Variants in FAM81B observed in about 807,000 individuals in gnomAD.
FAM81B encodes the protein protein FAM81B.
A neutral mutation model predicts 58.7 loss-of-function variants in FAM81B; 60 were observed. That is an observed-to-expected ratio of 1.02 (90% CI 0.83 to 1.27). The LOEUF (loss-of-function observed/expected upper bound fraction) is 1.27, where lower values mean the gene tolerates loss of function less well. Ranked by LOEUF, FAM81B falls within the 50% of genes most tolerant of loss-of-function variation. The probability of loss-of-function intolerance (pLI) is 0.00; values close to 1 mark genes in which losing one functional copy is unlikely to be tolerated. For synonymous variants in FAM81B, 189 were observed against 179.6 expected, an observed-to-expected ratio of 1.05 and a Z score of -0.42; for missense variants, 491 against 522.0, an observed-to-expected ratio of 0.94 and a Z score of 0.58.
intron 5 of FAM81B, among the ~76,000 whole-genome samples, 194 bp from the exon 6 acceptor site, chr5:95,428,409 A>G (rs1181046420): frequency 6.6e-6 from 1 of 152,226 alleles, no homozygotes; most frequent in Non-Finnish European, 1.5e-5. Flanking sequence ...CAATGCATTC[A>G]ACCTGGTTTC....
intron 4 of FAM81B, among the ~76,000 whole-genome samples, chr5:95,418,702 C>G (rs903329286): frequency 6.6e-6 from 1 of 152,074 alleles, no homozygotes; most frequent in Non-Finnish European, 1.5e-5. Flanking sequence ...TAGAACGTAT[C>G]CCCCTTGGAT....
chr5:95,441,621 G>T (rs1745356087), intron 7 of FAM81B, among the ~76,000 whole-genome samples: 1 of 151,692 alleles, frequency 6.6e-6, no homozygotes, highest in African/African-American at 2.4e-5. Flanking sequence ...AAAAAAAAAG[G>T]TTAAATAGGC....
chr5:95,410,894 A>G (rs917901511), intron 3 of FAM81B: 1 of 152,222 alleles, frequency 6.6e-6, no homozygotes. Context: ...TGAGACATTG[A>G]AACATTTCTT....
At chr5:95,408,107 A>AG (rs1266979730) in intron 3 of FAM81B, among the ~76,000 whole-genome samples, 2 of 148,724 alleles carry the variant, frequency 1.3e-5, no homozygotes, top group East Asian at 4.0e-4. Context: ...AGAGAGAGAG[A>AG]GAGAGGAGGG....
intron 7 of FAM81B, among the ~76,000 whole-genome samples, chr5:95,445,025 G>A (rs1430697220): frequency 6.6e-6 from 1 of 151,956 alleles, no homozygotes; most frequent in East Asian, 1.9e-4. Context: ...CAGGTGGGAG[G>A]GGGGTAACTG....
At chr5:95,431,096 CTA>C (rs1167462343) in intron 6 of FAM81B, among the ~76,000 whole-genome samples, 1 of 152,024 alleles carries the variant, frequency 6.6e-6, no homozygotes, top group African/African-American at 2.4e-5. Context: ...GCTGTTTTCT[CTA>C]TGACACAAAT....
intron 3 of FAM81B, among the ~76,000 whole-genome samples, chr5:95,411,320 T>A (rs1762399627): frequency 6.6e-6 from 1 of 152,152 alleles, no homozygotes. Context: ...CCCCAAAATA[T>A]AATTCTGGAA....
At chr5:95,410,391 T>C (rs1762375907) in intron 3 of FAM81B, among the ~76,000 whole-genome samples, 1 of 152,154 alleles carries the variant, frequency 6.6e-6, no homozygotes, top group Non-Finnish European at 1.5e-5. Context: ...GGATTTCTGA[T>C]AAACACAGCT....
intron 7 of FAM81B, chr5:95,440,537 T>A (rs1220314925): frequency 3.5e-6 from 2 of 570,268 alleles, no homozygotes; most frequent in Non-Finnish European, 6.7e-6. Flanking sequence ...ATGCAGGAGA[T>A]GCAGTTCTTA....
At chr5:95,405,632 A>T (rs1167531189) in intron 3 of FAM81B, among the ~76,000 whole-genome samples, 1 of 152,128 alleles carries the variant, frequency 6.6e-6, no homozygotes, top group Non-Finnish European at 1.5e-5. Flanking sequence ...AATTACTTTT[A>T]AAAAGGCTGT....
At chr5:95,434,876 G>A (rs761215456) in intron 6 of FAM81B, among the ~76,000 whole-genome samples, 3 of 151,988 alleles carry the variant, frequency 2.0e-5, no homozygotes, top group Non-Finnish European at 2.9e-5. Flanking sequence ...TTTACTCTTC[G>A]GCACTTGTGT....
At chr5:95,396,238 C>A (rs534684550) in intron 3 of FAM81B, 63 bp downstream of exon 3, 9 of 1,289,366 alleles carry the variant, frequency 7.0e-6, no homozygotes, top group African/African-American at 3.0e-5. Context: ...AAATCTCACA[C>A]GCAAAAAAGA....
At chr5:95,410,268 C>T (rs1479936045) in intron 3 of FAM81B, among the ~76,000 whole-genome samples, 2 of 152,134 alleles carry the variant, frequency 1.3e-5, no homozygotes, top group Non-Finnish European at 2.9e-5. Context: ...TATGAGTGGG[C>T]CAGGAAGCCG....
intron 3 of FAM81B, among the ~76,000 whole-genome samples, chr5:95,413,429 T>C (rs771337800): frequency 8.5e-5 from 13 of 152,188 alleles, no homozygotes; most frequent in South Asian, 2.1e-4. Context: ...ACTATGAAAT[T>C]AGAATAATTC....
chr5:95,414,894 G>A (rs1762498215), intron 4 of FAM81B, among the ~76,000 whole-genome samples: 1 of 151,944 alleles, frequency 6.6e-6, no homozygotes, highest in Non-Finnish European at 1.5e-5. Context: ...AAACTACCAT[G>A]GTCTATATTT....
intron 3 of FAM81B, among the ~76,000 whole-genome samples, chr5:95,403,160 A>G (rs1266419857): frequency 6.6e-6 from 1 of 152,230 alleles, no homozygotes; most frequent in Non-Finnish European, 1.5e-5. Context: ...CTTGCTTAAA[A>G]TGCATATTCT....
intron 6 of FAM81B, among the ~76,000 whole-genome samples, chr5:95,429,779 T>TC (rs1744797803): frequency 6.6e-6 from 1 of 152,198 alleles, no homozygotes; most frequent in Non-Finnish European, 1.5e-5. Flanking sequence ...AGGCAACTTA[T>TC]CTGGTTCCTG....
chr5:95,422,429 C>T lies in FAM81B; in HGVS notation c.656+2027C>T, dbSNP rs188507473. The stretch of plus-strand genomic sequence containing the variant: ...AAAACAAATATCAGCAAACCCACAA[C>T]CCTATTTAGATGTGCCAAGATTCTG... On this transcript the variant is annotated intron_variant, in intron 5 of 9. Coordinates refer to ENST00000283357, the MANE Select transcript of FAM81B (RefSeq NM_152548.3). 9.2e-5 allele frequency among the ~76,000 whole-genome samples: 14 copies of T among 152,048 alleles called. No homozygotes were observed. The East Asian group carries it at 2.7e-3, about 29-fold the overall frequency.
chr5:95,399,111 G>C (rs1197225056), intron 3 of FAM81B, among the ~76,000 whole-genome samples: 1 of 152,214 alleles, frequency 6.6e-6, no homozygotes, highest in Non-Finnish European at 1.5e-5. Context: ...AGTACATTTT[G>C]TGAAGATGAG....
Sources: allele counts gnomAD v4.1 joint callset (sites outside exome capture counted in the v4.1 genomes callset), GRCh38; gene constraint gnomAD v4.1.1; transcripts MANE v1.5; gene names NCBI Gene and HGNC (gene_info 2026-07-23, HGNC 2026-07-21).